LTBP2: variants seen among roughly 807,000 people sequenced by gnomAD.
The protein encoded by LTBP2 is latent-transforming growth factor beta-binding protein 2.
A neutral mutation model predicts 210.6 loss-of-function variants in LTBP2; 103 were observed. The observed-to-expected ratio is 0.49, with a 90% CI of 0.42 to 0.58. The LOEUF (loss-of-function observed/expected upper bound fraction) is 0.58. Among genes scored for constraint, LTBP2 ranks in the 20% least tolerant of loss-of-function variants. The probability of loss-of-function intolerance (pLI) is 0.00; values close to 1 mark genes in which losing one functional copy is unlikely to be tolerated. For missense variants in LTBP2, 2,313 were observed against 2,494.5 expected (o/e 0.93, Z 1.55); for synonymous variants, 1,007 against 1,015.0 (o/e 0.99, Z 0.15).
intron 8 of LTBP2, among the ~76,000 whole-genome samples, chr14:74,548,916 T>C (rs1211190030): frequency 1.3e-5 from 2 of 152,216 alleles, no homozygotes; most frequent in African/African-American, 4.8e-5. Context: ...CACTACCCTT[T>C]GCTACTTCGC....
At chr14:74,572,306 TCTGTGTGTGTGTGTGTG>T (rs2087990281) in intron 3 of LTBP2, among the ~76,000 whole-genome samples, 1 of 144,800 alleles carries the variant, frequency 6.9e-6, no homozygotes, top group Non-Finnish European at 1.5e-5. Flanking sequence ...TGTGTGTGTG[TCTGTGTGTGTGTGTGTG>T]AGAGAGAGAG....
At chr14:74,552,776 C>T in intron 5 of LTBP2, 116 bp downstream of exon 5, 1 of 1,349,182 alleles carries the variant, frequency 7.4e-7, no homozygotes, top group Non-Finnish European at 1.0e-6. Flanking sequence ...TGATTTGGGA[C>T]AACTTGTGGA....
intron 17 of LTBP2, among the ~76,000 whole-genome samples, chr14:74,518,107 G>A (rs1313159173): frequency 2.0e-5 from 3 of 152,128 alleles, no homozygotes; most frequent in Non-Finnish European, 4.4e-5. Flanking sequence ...TGGGTCCTGT[G>A]GGTCCCCATC....
intron 12 of LTBP2, among the ~76,000 whole-genome samples, chr14:74,527,940 GCCT>G (rs2087295753): frequency 6.6e-6 from 1 of 152,216 alleles, no homozygotes. Flanking sequence ...GACGTTCCAG[GCCT>G]CCTGCATTCA....
intron 3 of LTBP2, among the ~76,000 whole-genome samples, chr14:74,580,777 T>C (rs1239508148): frequency 6.6e-6 from 1 of 152,050 alleles, no homozygotes; most frequent in African/African-American, 2.4e-5. Flanking sequence ...CTGGGCAACA[T>C]GGTGAAACCA....
At chr14:74,598,586 G>T (rs184858769) in intron 2 of LTBP2, among the ~76,000 whole-genome samples, 39 of 152,236 alleles carry the variant, frequency 2.6e-4, no homozygotes, top group African/African-American at 8.2e-4. Context: ...AGAGTGCATC[G>T]CACATGCCAG....
chr14:74,503,721 C>T, intron 31 of LTBP2, 115 bp from the exon 32 acceptor site: 1 of 1,452,802 alleles, frequency 6.9e-7, no homozygotes, highest in South Asian at 1.3e-5. Context: ...GCCTCCCTCC[C>T]CTCAACCCAG....
intron 3 of LTBP2, among the ~76,000 whole-genome samples, chr14:74,583,706 C>G (rs1246625329): frequency 1.3e-5 from 2 of 152,262 alleles, no homozygotes; most frequent in African/African-American, 2.4e-5. Context: ...TCCCCATCAC[C>G]TAGCCTCATT....
At chr14:74,578,076 G>A (rs1016873888) in intron 3 of LTBP2, among the ~76,000 whole-genome samples, 1 of 152,064 alleles carries the variant, frequency 6.6e-6, no homozygotes, top group Non-Finnish European at 1.5e-5. Flanking sequence ...GGCAGCGGTG[G>A]GAGGGGCTGG....
intron 8 of LTBP2, among the ~76,000 whole-genome samples, chr14:74,546,474 C>G (rs1429811263): frequency 2.6e-5 from 4 of 152,188 alleles, no homozygotes; most frequent in African/African-American, 9.7e-5. Context: ...TATACAACGC[C>G]CAACTGCACT....
At chr14:74,511,081 T>C (rs1276879417) in intron 19 of LTBP2, among the ~76,000 whole-genome samples, 164 bp downstream of exon 19, 1 of 152,244 alleles carries the variant, frequency 6.6e-6, no homozygotes, top group African/African-American at 2.4e-5. Flanking sequence ...GGCAGAGCCC[T>C]GGCGACTCAT....
At chr14:74,546,725 C>T (rs573053423) in intron 8 of LTBP2, among the ~76,000 whole-genome samples, 6 of 152,294 alleles carry the variant, frequency 3.9e-5, no homozygotes, top group African/African-American at 1.2e-4. Flanking sequence ...GCTCTGCTCC[C>T]GTGCCCACCG....
rs542814662 is a variant in LTBP2 at position 74,599,358 on chromosome 14, C to T, written c.565+4277G>A. Among the ~76,000 whole-genome samples, 4 of 146,436 alleles carry T rather than the reference C, an allele frequency of 2.7e-5. No homozygotes were observed. The South Asian group carries it at 9.5e-4, about 35-fold the overall frequency. ...CCCCAAAGCAGCCCCAGCCCCTGTG[C>T]GTCCAGGCTGAGATAAAATGAGAAG... is the stretch of plus-strand genomic sequence containing the variant. On this transcript the variant is annotated intron_variant, in intron 2 of 35. Transcript: ENST00000261978.
At chr14:74,501,834 G>A in intron 34 of LTBP2, 1 of 555,552 alleles carries the variant, frequency 1.8e-6, no homozygotes, top group Admixed American at 3.1e-5. Flanking sequence ...CTCCAGGGAG[G>A]CTGAGACTCG....
chr14:74,560,202 A>G (rs1288876850), intron 3 of LTBP2, among the ~76,000 whole-genome samples: 1 of 152,210 alleles, frequency 6.6e-6, no homozygotes, highest in Non-Finnish European at 1.5e-5. Context: ...CACTACCACC[A>G]TAATTTCACG....
rs886050754 is a variant in LTBP2 at position 74,501,491 on chromosome 14, C to A, written c.5270G>T (p.Cys1757Phe). 1.8e-5 allele frequency: 29 copies of A among 1,614,048 alleles called. No individual in the cohort carries two copies. The highest frequency in any genetic ancestry group is 2.5e-5 in the Non-Finnish European group (29 of 1,180,022). Residue 1757 changes from cysteine to phenylalanine, a missense_variant, in exon 35 of 36, where the codon TGT (cysteine) becomes TTT (phenylalanine). Cys to Phe is a radical substitution (Grantham distance 205). Transcript: ENST00000261978. ...RCVRVREGYT[C>F]DCFEGFQLDA... Reference sequence around the variant, plus strand: ...CAGCTGGAAGCCCTCAAAACAGTCACAGGTGTAGCCCTCCCGCACGCGCAC... The same window carrying A: ...CAGCTGGAAGCCCTCAAAACAGTCAAAGGTGTAGCCCTCCCGCACGCGCAC...
chr14:74,522,172 G>A (rs2087213518), intron 16 of LTBP2, 133 bp from the exon 17 acceptor site: 2 of 1,063,358 alleles, frequency 1.9e-6, no homozygotes, highest in East Asian at 2.6e-5. Context: ...GTGAGGGAGT[G>A]GAGGAGGCTG....
intron 18 of LTBP2, among the ~76,000 whole-genome samples, chr14:74,515,683 G>A (rs909665793): frequency 9.2e-5 from 14 of 152,106 alleles, no homozygotes; most frequent in African/African-American, 3.4e-4. Context: ...GTAATCTATT[G>A]AGGACCTAAC....
intron 8 of LTBP2, among the ~76,000 whole-genome samples, chr14:74,544,838 G>A (rs934997): frequency 0.85 from 128,621 of 152,090 alleles, 56,925 homozygotes; most frequent in Non-Finnish European, 0.99. Context: ...ATTGCTGGGC[G>A]CCTGCAGTTT....
Sources: allele counts gnomAD v4.1 joint callset (sites outside exome capture counted in the v4.1 genomes callset), GRCh38; gene constraint gnomAD v4.1.1; transcripts MANE v1.5; gene names NCBI Gene and HGNC (gene_info 2026-07-23, HGNC 2026-07-21).